The following SRGAP1 variants were observed in gnomAD, a reference collection of about 807,000 sequenced individuals.
SRGAP1 encodes SLIT-ROBO Rho GTPase activating protein 1.
A neutral mutation model predicts 121.9 loss-of-function variants in SRGAP1; 43 were observed. The ratio of observed to expected loss-of-function variants is 0.35; its 90% confidence interval spans 0.28 to 0.46. The LOEUF (loss-of-function observed/expected upper bound fraction) is 0.46, where lower values mean the gene tolerates loss of function less well. SRGAP1 is among the 20% of genes least tolerant of loss of function. The probability of loss-of-function intolerance (pLI) is 1.00; values close to 1 mark genes in which losing one functional copy is unlikely to be tolerated. For missense variants in SRGAP1, 1,102 were observed against 1,350.9 expected (o/e 0.82, Z 2.89); for synonymous variants, 447 against 485.4 (o/e 0.92, Z 1.04).
At chr12:64,020,836 T>G (rs1245993641) in intron 4 of SRGAP1, among the ~76,000 whole-genome samples, 1 of 109,672 alleles carries the variant, frequency 9.1e-6, no homozygotes, top group African/African-American at 3.9e-5. Context: ...AGAGTGAGAC[T>G]CCGTCTCAAA....
chr12:63,977,807 T>A (rs980038953), intron 1 of SRGAP1, among the ~76,000 whole-genome samples: 3 of 151,370 alleles, frequency 2.0e-5, no homozygotes, highest in African/African-American at 4.9e-5. Context: ...AATAGTCATT[T>A]AAAAAAAAAC....
At chr12:63,930,679 C>T (rs923391853) in intron 1 of SRGAP1, among the ~76,000 whole-genome samples, 1 of 151,992 alleles carries the variant, frequency 6.6e-6, no homozygotes, top group African/African-American at 2.4e-5. Context: ...AAATGTACCT[C>T]ACTTTTTGGG....
intron 1 of SRGAP1, among the ~76,000 whole-genome samples, chr12:63,941,485 C>T (rs1273890153): frequency 1.3e-5 from 2 of 152,134 alleles, no homozygotes; most frequent in Admixed American, 6.5e-5. Flanking sequence ...ATACAATATG[C>T]TGCATACATA....
chr12:63,991,528 T>A lies in SRGAP1; in HGVS notation c.426+1456T>A, dbSNP rs148418640. ...CAATTTAAGAAGAGATAAAGAAATATCCTATGCGTCTTAAATAGTAGAGTT... is the reference window on the plus strand; with the variant it reads ...CAATTTAAGAAGAGATAAAGAAATAACCTATGCGTCTTAAATAGTAGAGTT... On this transcript the variant is annotated intron_variant, in intron 3 of 21. Transcript: ENST00000355086. Among the ~76,000 whole-genome samples the A allele has an allele frequency of 4.8e-3, 731 of 152,314 alleles. 5 individuals are homozygous for A. Among genetic ancestry groups the A allele is most frequent in the African/African-American group, 0.016 (672 of 41,566 alleles).
At chr12:64,141,865 C>G (rs761133191) in intron 21 of SRGAP1, among the ~76,000 whole-genome samples, 29 of 152,028 alleles carry the variant, frequency 1.9e-4, no homozygotes, top group Non-Finnish European at 3.1e-4. Context: ...CAGGAGGTAG[C>G]ACATACCTGT....
At chr12:64,062,577 C>T (rs1478214392) in intron 6 of SRGAP1, among the ~76,000 whole-genome samples, 2 of 151,560 alleles carry the variant, frequency 1.3e-5, no homozygotes, top group African/African-American at 2.4e-5. Flanking sequence ...AGTGCAGTGG[C>T]ACTATCTTGG....
intron 1 of SRGAP1, among the ~76,000 whole-genome samples, chr12:63,963,364 A>G (rs542869210): frequency 1.3e-4 from 20 of 152,334 alleles, no homozygotes; most frequent in African/African-American, 4.8e-4. Context: ...TTTCAGGACC[A>G]CTGGGGAAAA....
At chr12:64,027,357 C>G (rs2034676002) in intron 4 of SRGAP1, among the ~76,000 whole-genome samples, 1 of 151,930 alleles carries the variant, frequency 6.6e-6, no homozygotes, top group African/African-American at 2.4e-5. Flanking sequence ...TATGTACCCA[C>G]AGATAGGTTC....
At chr12:64,082,436 T>C (rs923932040) in intron 10 of SRGAP1, among the ~76,000 whole-genome samples, 2 of 151,812 alleles carry the variant, frequency 1.3e-5, no homozygotes, top group Non-Finnish European at 2.9e-5. Flanking sequence ...CTTTGTGAAC[T>C]GCAAGCCAGA....
chr12:63,847,077 T>C (rs1047503076), intron 1 of SRGAP1, among the ~76,000 whole-genome samples: 6 of 152,114 alleles, frequency 3.9e-5, no homozygotes, highest in African/African-American at 9.7e-5. Context: ...GCCTGTAATC[T>C]CCGCATTTCA....
intron 1 of SRGAP1, among the ~76,000 whole-genome samples, chr12:63,886,288 C>T (rs775947058): frequency 1.3e-5 from 2 of 152,040 alleles, no homozygotes; most frequent in Non-Finnish European, 2.9e-5. Flanking sequence ...TCTCAAGCTC[C>T]GGAGCTCAAG....
At chr12:64,040,310 G>A (rs2034988678) in intron 4 of SRGAP1, among the ~76,000 whole-genome samples, 1 of 152,092 alleles carries the variant, frequency 6.6e-6, no homozygotes, top group East Asian at 1.9e-4. Context: ...TTCATTACTT[G>A]AAAACATTGC....
intron 1 of SRGAP1, among the ~76,000 whole-genome samples, chr12:63,960,577 T>C (rs992079835): frequency 1.3e-5 from 2 of 152,178 alleles, no homozygotes; most frequent in East Asian, 3.9e-4. Flanking sequence ...TGTGGTAGGC[T>C]GAATAATGGC....
At chr12:63,902,598 A>T (rs2029989894) in intron 1 of SRGAP1, among the ~76,000 whole-genome samples, 2 of 152,194 alleles carry the variant, frequency 1.3e-5, no homozygotes, top group Non-Finnish European at 2.9e-5. Context: ...TTTGGTTATA[A>T]AGTAACTAAA....
chr12:64,049,650 TC>T (rs1426788103), intron 6 of SRGAP1, among the ~76,000 whole-genome samples: 2 of 152,196 alleles, frequency 1.3e-5, no homozygotes, highest in Non-Finnish European at 2.9e-5. Context: ...ATATCAATGT[TC>T]CTGGCACTTT....
chr12:63,905,769 T>A (rs997105092), intron 1 of SRGAP1, among the ~76,000 whole-genome samples: 1 of 152,220 alleles, frequency 6.6e-6, no homozygotes, highest in Non-Finnish European at 1.5e-5. Context: ...CAGTAAACCC[T>A]TTTGCTATGT....
At chr12:64,057,192 C>T (rs556858275) in intron 6 of SRGAP1, among the ~76,000 whole-genome samples, 4 of 152,310 alleles carry the variant, frequency 2.6e-5, no homozygotes, top group East Asian at 3.9e-4. Flanking sequence ...TTGTACCCAT[C>T]CCTATCACAC....
intron 21 of SRGAP1, among the ~76,000 whole-genome samples, chr12:64,129,522 T>C (rs1402636932): frequency 6.6e-6 from 1 of 152,130 alleles, no homozygotes. Flanking sequence ...ACACTTTGCA[T>C]CCTTCAATCC....
chr12:64,073,876 T>G (rs1467482982), intron 8 of SRGAP1, among the ~76,000 whole-genome samples: 1 of 152,022 alleles, frequency 6.6e-6, no homozygotes, highest in Non-Finnish European at 1.5e-5. Context: ...GGATTTTGTG[T>G]TTTTTTGTTT....
Sources: allele counts gnomAD v4.1 joint callset (sites outside exome capture counted in the v4.1 genomes callset), GRCh38; gene constraint gnomAD v4.1.1; transcripts MANE v1.5; gene names NCBI Gene and HGNC (gene_info 2026-07-23, HGNC 2026-07-21).